The following PLCH2 variants were observed in gnomAD, a reference collection of about 807,000 sequenced individuals.
PLCH2 encodes the protein phospholipase C eta 2, also known as 1-phosphatidylinositol 4,5-bisphosphate phosphodiesterase eta-2.
PLCH2 carries 98 observed loss-of-function variants against 134.7 expected under a neutral mutation model. The ratio of observed to expected loss-of-function variants is 0.73; its 90% CI spans 0.62 to 0.86. PLCH2 has a LOEUF of 0.86. Ranked by LOEUF, PLCH2 falls within the 40% of genes least tolerant of loss-of-function variation. The pLI, the probability that PLCH2 is intolerant of heterozygous loss-of-function variation, is 0.00. For missense variants in PLCH2, 1,994 were observed against 1,986.6 expected (o/e 1.00, Z -0.07); for synonymous variants, 974 against 827.5 (o/e 1.18, Z -3.04).
At chr1:2,424,973 A>G (rs1170937666), upstream of PLCH2, among the ~76,000 whole-genome samples, 1 of 151,966 alleles carries the variant, frequency 6.6e-6, no homozygotes, top group Admixed American at 6.6e-5. Flanking sequence ...GCAACAGAGC[A>G]AGACTCCGTC....
At chr1:2,480,067 A>T in intron 3 of PLCH2, 90 bp downstream of exon 3, 4 of 1,579,482 alleles carry the variant, frequency 2.5e-6, no homozygotes, top group Non-Finnish European at 1.7e-6. Flanking sequence ...GCCGGGTCAC[A>T]CACTGGGGAA....
intron 2 of PLCH2, among the ~76,000 whole-genome samples, chr1:2,454,614 C>T (rs1213722224): frequency 6.6e-6 from 1 of 152,142 alleles, no homozygotes; most frequent in African/African-American, 2.4e-5. Flanking sequence ...CCTGCAGGGC[C>T]TCTGGAGCCC....
intron 10 of PLCH2, 28 bp downstream of exon 10, chr1:2,489,895 C>A (rs371074095): frequency 1.4e-6 from 2 of 1,472,126 alleles, no homozygotes; most frequent in East Asian, 2.3e-5. Flanking sequence ...TGGAGGGGGG[C>A]GCGTGGAGCC....
chr1:2,504,742 C>T lies in PLCH2; in HGVS notation c.3780C>T (p.Leu1260=). The T allele has an allele frequency of 6.2e-7, 1 of 1,612,582 alleles. No homozygotes were observed. The highest frequency in any genetic ancestry group is 8.5e-7 in the Non-Finnish European group (1 of 1,179,806). ...CCAAGTCCAAGAGCCTGGGCGACCT[C>T]ACTGCTGATGACTTTGCCCCTAGCT... The part of the protein sequence containing the change: ...VAAKSKSLGD[L]TADDFAPSFE... The change falls in exon 22 of 22, where the codon CTC becomes CTT. Residue 1260 remains leucine (L), a synonymous_variant. Coordinates refer to ENST00000378486, the MANE Select transcript of PLCH2 (RefSeq NM_014638.4).
In PLCH2 at chr1:2,479,721, CCCCA is replaced by C; in HGVS notation, c.272-9_272-6del. 6.5e-7 allele frequency: 1 copy of C among 1,528,180 alleles called. No individual in the cohort carries two copies. Among genetic ancestry groups the C allele is most frequent in the Non-Finnish European group, 8.9e-7 (1 of 1,129,594 alleles). The allele number at this position is 1,528,180 out of a possible 1,614,324, so 94.7% of individuals were successfully genotyped here. A position where few individuals can be genotyped will look rare whatever the true frequency, so the allele number is the denominator to read the frequency against. On this transcript the variant is annotated splice_polypyrimidine_tract_variant and intron_variant, in intron 2 of 21. Transcript: ENST00000378486. ...CCCGGGGACCTGACCCGTGCTCCCTCCCCACCCCGCAGTCTCCATCGACTCCATC... is the reference window on the plus strand; with the variant it reads ...CCCGGGGACCTGACCCGTGCTCCCTCCCCCGCAGTCTCCATCGACTCCATC...
chr1:2,494,020 C>T lies in PLCH2; in HGVS notation c.1660-836C>T, dbSNP rs531048972. ...GGGTGGGTGATGTGTCCGCTTCTGG[C>T]GGAAGCCCCCTCCTAACAGGGACCG... On this transcript the variant is annotated intron_variant, in intron 11 of 21. Transcript: ENST00000378486. Among the ~76,000 whole-genome samples, 59 of 152,260 alleles carry T rather than the reference C, an allele frequency of 3.9e-4. 1 individual carries two copies. The highest frequency in any genetic ancestry group is 1.3e-3 in the African/African-American group (54 of 41,560).
chr1:2,480,543 G>C (rs1641905980), intron 4 of PLCH2, among the ~76,000 whole-genome samples: 1 of 152,218 alleles, frequency 6.6e-6, no homozygotes, highest in Non-Finnish European at 1.5e-5. Flanking sequence ...AGCTGGGCCG[G>C]GGGCTGCTCT....
chr1:2,448,863 G>C lies in PLCH2; in HGVS notation c.115+18234G>C, dbSNP rs1054434653. Among the ~76,000 whole-genome samples the C allele has an allele frequency of 4.6e-5, 7 of 152,218 alleles. No individual in the cohort carries two copies. Among genetic ancestry groups the C allele is most frequent in the Admixed American group, 1.3e-4 (2 of 15,290 alleles). On this transcript the variant is annotated intron_variant, in intron 2 of 3. Coordinates refer to the PLCH2 transcript ENST00000609981. This position sits in a 1 kb window ranked among gnomAD's most constrained non-coding sequence, Gnocchi z 4.0. ...CCATTCTTAGGGAGCGGCTGCTCCT[G>C]GTTCCCAACCACAAGTCACATCACT...
At chr1:2,425,462 A>G (rs1227099465), upstream of PLCH2, among the ~76,000 whole-genome samples, 1 of 152,128 alleles carries the variant, frequency 6.6e-6, no homozygotes, top group East Asian at 1.9e-4. Flanking sequence ...CGTGGATTTC[A>G]TTTCCTTTGG....
intron 2 of PLCH2, among the ~76,000 whole-genome samples, chr1:2,431,191 C>T (rs530105164): frequency 6.6e-6 from 1 of 151,872 alleles, no homozygotes; most frequent in Non-Finnish European, 1.5e-5. Context: ...TTCTGCTCCC[C>T]CTGGGGGCCC....
chr1:2,503,205 G>A, intron 21 of PLCH2: 1 of 582,222 alleles, frequency 1.7e-6, no homozygotes, highest in Non-Finnish European at 3.1e-6. Context: ...ACTGTGGCCT[G>A]ACATGCTGGG....
At chr1:2,440,590 C>T (rs1639644496) in intron 2 of PLCH2, among the ~76,000 whole-genome samples, 1 of 97,206 alleles carries the variant, frequency 1.0e-5, no homozygotes, top group Non-Finnish European at 1.9e-5. Context: ...ATTGCTGCGA[C>T]CAGTGATCCT....
At position 2,495,342 on chromosome 1, in the gene PLCH2, G is replaced by A. The variant is rs1642823322; in HGVS notation, c.1753-146G>A. On this transcript the variant is annotated intron_variant, in intron 12 of 21. Coordinates refer to ENST00000378486, the MANE Select transcript of PLCH2 (RefSeq NM_014638.4). Reference sequence around the variant, plus strand: ...TCGAGAGGGCACCGAGGAGGCTTTGGCAGGCCCAGCCAGGCGGGATGGACA... The same window carrying A: ...TCGAGAGGGCACCGAGGAGGCTTTGACAGGCCCAGCCAGGCGGGATGGACA... 3 of 661,958 alleles carry A rather than the reference G, an allele frequency of 4.5e-6. No individual in the cohort carries two copies. In the Admixed American group the frequency reaches 8.7e-5, roughly 19 times the overall value. 41.0% of individuals were successfully genotyped at this position (661,958 alleles called of 1,614,324 possible).
upstream of PLCH2, among the ~76,000 whole-genome samples, chr1:2,473,966 G>T (rs918362669): frequency 6.6e-6 from 1 of 152,260 alleles, no homozygotes; most frequent in Admixed American, 6.5e-5. Context: ...AGGCGGCCTG[G>T]GGGTGGGTGT....
intron 1 of PLCH2, among the ~76,000 whole-genome samples, chr1:2,469,156 G>A (rs1641208839): frequency 6.6e-6 from 1 of 152,230 alleles, no homozygotes; most frequent in Admixed American, 6.5e-5. Flanking sequence ...TGTCTGGCCT[G>A]CAGAGAGCTC....
chr1:2,476,966 A>G (rs1274157003), intron 1 of PLCH2, among the ~76,000 whole-genome samples: 1 of 152,098 alleles, frequency 6.6e-6, no homozygotes, highest in East Asian at 1.9e-4. Context: ...GCTGAACCCA[A>G]GGGGGCGAGG....
chr1:2,498,636 G>T lies in PLCH2; in HGVS notation c.2338G>T (p.Asp780Tyr), dbSNP rs1350534100. The T allele has an allele frequency of 6.4e-7, 1 of 1,551,522 alleles. No individual in the cohort carries two copies. Among genetic ancestry groups the T allele is most frequent in the Non-Finnish European group, 8.7e-7 (1 of 1,149,166 alleles). The change falls in exon 17 of 22, where the codon GAC becomes TAC. Residue 780 changes from aspartate to tyrosine, a missense_variant. Asp to Tyr is a radical substitution (Grantham distance 160, BLOSUM62 -3). Transcript: ENST00000378486. This position sits in a 1 kb window ranked among gnomAD's most constrained non-coding sequence, Gnocchi z 5.4. ...CAAGCCGCGCGACTCCATGCTGGGG[G>T]ACCGTGGGGAGGTGGGGGCCAGCCC... is the stretch of plus-strand genomic sequence containing the variant. ...LPKPRDSMLG[D>Y]RGEIIDPFVE...
At chr1:2,485,222 G>GTGCTCTCTGGA (rs934591887) in intron 5 of PLCH2, among the ~76,000 whole-genome samples, 5 of 41,312 alleles carry the variant, frequency 1.2e-4, no homozygotes, top group Admixed American at 3.2e-4. Flanking sequence ...CCAAGGCCAA[G>GTGCTCTCTGGA]TGCTGCCCCA....
chr1:2,437,383 C>T (rs1162531586), intron 2 of PLCH2, among the ~76,000 whole-genome samples: 1 of 152,152 alleles, frequency 6.6e-6, no homozygotes, highest in Non-Finnish European at 1.5e-5. Context: ...GCCAGCTGGA[C>T]AGCTCTGCCC....
Sources: allele counts gnomAD v4.1 joint callset (sites outside exome capture counted in the v4.1 genomes callset), GRCh38; gene constraint gnomAD v4.1.1; non-coding constraint Gnocchi (gnomAD v3.1); transcripts MANE v1.5; gene names NCBI Gene and HGNC (gene_info 2026-07-23, HGNC 2026-07-21).